ZNF385D: variants seen among roughly 807,000 people sequenced by gnomAD.
ZNF385D encodes zinc finger protein 659.
A neutral mutation model predicts 35.8 loss-of-function variants in ZNF385D; 15 were observed. The observed-to-expected ratio is 0.42, with a 90% confidence interval of 0.28 to 0.64. The LOEUF (loss-of-function observed/expected upper bound fraction) is 0.64. ZNF385D is among the 30% of genes least tolerant of loss of function. The pLI, the probability that ZNF385D is intolerant of heterozygous loss-of-function variation, is 0.23. For missense variants in ZNF385D, 474 were observed against 494.6 expected (o/e 0.96, Z 0.39); for synonymous variants, 212 against 186.8 (o/e 1.13, Z -1.10).
chr3:21,961,372 A>G (rs1702583189), intron 3 of ZNF385D: 1 of 152,144 alleles, frequency 6.6e-6, no homozygotes, highest in African/African-American at 2.4e-5. Flanking sequence ...ATTCGACTTA[A>G]TAAAATTTTA....
chr3:21,790,153 A>AT (rs2071867778), intron 3 of ZNF385D, among the ~76,000 whole-genome samples: 1 of 152,084 alleles, frequency 6.6e-6, no homozygotes, highest in African/African-American at 2.4e-5. Flanking sequence ...ACTGCTAACA[A>AT]TGTTGGCCTC....
intron 2 of ZNF385D, among the ~76,000 whole-genome samples, chr3:22,195,716 A>C (rs1444403282): frequency 1.3e-5 from 2 of 151,908 alleles, no homozygotes. Context: ...TTTATTTTTT[A>C]ATGTTTGTTT....
chr3:21,711,680 C>A (rs13083943), intron 1 of ZNF385D, among the ~76,000 whole-genome samples: 69,064 of 152,008 alleles, frequency 0.45, 16,602 homozygotes, highest in African/African-American at 0.61. Flanking sequence ...TCCAAGTAAT[C>A]TGGATGTTTA....
chr3:21,542,661 C>A (rs976671683), intron 3 of ZNF385D, among the ~76,000 whole-genome samples: 1 of 151,978 alleles, frequency 6.6e-6, no homozygotes, highest in African/African-American at 2.4e-5. Flanking sequence ...GAGGGGGGTA[C>A]CCTGGACAAA....
intron 3 of ZNF385D, among the ~76,000 whole-genome samples, chr3:21,892,958 G>A (rs531237310): frequency 1.2e-4 from 18 of 152,222 alleles, no homozygotes; most frequent in South Asian, 6.2e-4. Context: ...TTTCTATTGC[G>A]TGTATGTATT....
At chr3:22,252,531 TA>T (rs554656526) in intron 2 of ZNF385D, among the ~76,000 whole-genome samples, 233 of 152,178 alleles carry the variant, frequency 1.5e-3, no homozygotes, top group African/African-American at 5.1e-3. Flanking sequence ...AGAAAACTAC[TA>T]CTGTCAAAGA....
At chr3:22,295,341 T>C (rs1051047354) in intron 2 of ZNF385D, among the ~76,000 whole-genome samples, 2 of 152,176 alleles carry the variant, frequency 1.3e-5, no homozygotes, top group Non-Finnish European at 2.9e-5. Flanking sequence ...TAGAATAGGC[T>C]ATACAGCTCT....
chr3:22,100,268 A>G (rs28446760), intron 3 of ZNF385D, among the ~76,000 whole-genome samples: 32,224 of 141,480 alleles, frequency 0.23, 3,597 homozygotes, highest in Non-Finnish European at 0.26. Flanking sequence ...TGTGGAAGTC[A>G]GTGTGGCGAT....
intron 3 of ZNF385D, among the ~76,000 whole-genome samples, chr3:21,869,122 C>T (rs2125843565): frequency 6.6e-6 from 1 of 152,074 alleles, no homozygotes; most frequent in Admixed American, 6.6e-5. Flanking sequence ...TTTCGAGGGA[C>T]CAAGAAACAA....
chr3:22,057,469 T>G (rs1215666920), intron 3 of ZNF385D, among the ~76,000 whole-genome samples: 1 of 152,134 alleles, frequency 6.6e-6, no homozygotes, highest in Non-Finnish European at 1.5e-5. Context: ...TAAAAGCAGA[T>G]GCAAATTACT....
intron 4 of ZNF385D, chr3:21,441,851 T>A: frequency 2.4e-6 from 1 of 419,216 alleles, no homozygotes; most frequent in Non-Finnish European, 3.2e-6. Context: ...ACAATATATG[T>A]GACAAGGAGT....
chr3:22,339,358 A>C (rs890195989), intron 2 of ZNF385D, among the ~76,000 whole-genome samples: 2 of 152,182 alleles, frequency 1.3e-5, no homozygotes, highest in Non-Finnish European at 2.9e-5. Flanking sequence ...GTGAACAAGG[A>C]AGGCCTGGTA....
intron 3 of ZNF385D, among the ~76,000 whole-genome samples, chr3:21,828,427 AC>A (rs1261482610): frequency 6.6e-6 from 1 of 152,222 alleles, no homozygotes. Context: ...AGAGAAATAA[AC>A]AAAAGAAATG....
At chr3:22,210,409 T>C (rs1697444494) in intron 2 of ZNF385D, among the ~76,000 whole-genome samples, 1 of 151,828 alleles carries the variant, frequency 6.6e-6, no homozygotes, top group Admixed American at 6.6e-5. Context: ...CAAGTATAAT[T>C]TTATTTAACA....
At chr3:22,010,390 G>A (rs1453584086) in intron 3 of ZNF385D, among the ~76,000 whole-genome samples, 1 of 152,148 alleles carries the variant, frequency 6.6e-6, no homozygotes, top group Admixed American at 6.6e-5. Context: ...GCCTTATCAA[G>A]AAACAAATAT....
At chr3:21,475,506 G>A (rs1413061790) in intron 4 of ZNF385D, among the ~76,000 whole-genome samples, 1 of 151,990 alleles carries the variant, frequency 6.6e-6, no homozygotes, top group Non-Finnish European at 1.5e-5. Context: ...AAAACAAAAG[G>A]TTTATCTTTT....
intron 2 of ZNF385D, among the ~76,000 whole-genome samples, chr3:21,649,611 C>T (rs942911425): frequency 1.3e-5 from 2 of 152,176 alleles, no homozygotes; most frequent in South Asian, 2.1e-4. Flanking sequence ...AAGCTTCAGT[C>T]TCTTTCATTG....
At chr3:21,517,264 T>G (rs1460008153) in intron 3 of ZNF385D, among the ~76,000 whole-genome samples, 4 of 152,158 alleles carry the variant, frequency 2.6e-5, no homozygotes, top group Non-Finnish European at 5.9e-5. Context: ...CCAGACACCC[T>G]GAGACTTGGC....
At chr3:22,109,135 A>G (rs890985526) in intron 3 of ZNF385D, among the ~76,000 whole-genome samples, 3 of 152,190 alleles carry the variant, frequency 2.0e-5, no homozygotes, top group African/African-American at 7.2e-5. Context: ...AGGGAAGGAA[A>G]CCATATTTGA....
Sources: allele counts gnomAD v4.1 joint callset (sites outside exome capture counted in the v4.1 genomes callset), GRCh38; gene constraint gnomAD v4.1.1; transcripts MANE v1.5; gene names NCBI Gene and HGNC (gene_info 2026-07-23, HGNC 2026-07-21).